SNX9: variants seen among roughly 807,000 people sequenced by gnomAD.
The protein encoded by SNX9 is sorting nexin 9.
Under a neutral mutation model 89.4 loss-of-function variants are expected in SNX9, and 44 were observed. The ratio of observed to expected loss-of-function variants is 0.49; its 90% CI spans 0.39 to 0.63. The LOEUF is 0.63. SNX9 is among the 30% of genes least tolerant of loss of function. The pLI is 0.00. For missense variants in SNX9, 578 were observed against 736.1 expected, an observed-to-expected ratio of 0.79 and a Z score of 2.49; for synonymous variants, 236 against 247.8, an observed-to-expected ratio of 0.95 and a Z score of 0.45.
chr6:157,890,166 G>A (rs1231316354), intron 4 of SNX9, among the ~76,000 whole-genome samples: 1 of 152,226 alleles, frequency 6.6e-6, no homozygotes, highest in East Asian at 1.9e-4. Flanking sequence ...ACCAGGATTC[G>A]TCTTGCCCCT....
At chr6:157,829,636 A>C (rs947232426) in intron 1 of SNX9, among the ~76,000 whole-genome samples, 2 of 152,120 alleles carry the variant, frequency 1.3e-5, no homozygotes, top group African/African-American at 4.8e-5. Flanking sequence ...TTTTCTCTAC[A>C]TTTACAATTA....
intron 1 of SNX9, among the ~76,000 whole-genome samples, chr6:157,854,366 A>T (rs1370678092): frequency 3.3e-5 from 5 of 152,354 alleles, no homozygotes; most frequent in African/African-American, 1.2e-4. Flanking sequence ...TGCAGCTGTG[A>T]TAAAGAACAA....
At chr6:157,938,572 T>A in intron 15 of SNX9, 61 bp from the exon 16 acceptor site, 1 of 1,119,620 alleles carries the variant, frequency 8.9e-7, no homozygotes, top group East Asian at 2.4e-5. Flanking sequence ...CATTGTTATA[T>A]TTTAAACTAA....
chr6:157,889,693 T>C (rs549601592), intron 4 of SNX9, among the ~76,000 whole-genome samples: 1 of 152,312 alleles, frequency 6.6e-6, no homozygotes, highest in East Asian at 1.9e-4. Context: ...GCCTGTTATC[T>C]CTTCAATTAA....
chr6:157,844,346 T>C (rs1217796191), intron 1 of SNX9, among the ~76,000 whole-genome samples: 1 of 152,126 alleles, frequency 6.6e-6, no homozygotes, highest in Non-Finnish European at 1.5e-5. Context: ...GAGTGCTGAT[T>C]GGTCAGGGGT....
chr6:157,834,244 C>G (rs1163598469), intron 1 of SNX9, among the ~76,000 whole-genome samples: 1 of 138,824 alleles, frequency 7.2e-6, no homozygotes, highest in Non-Finnish European at 1.5e-5. Context: ...CCTCCACTGA[C>G]TGCAGCTCAA....
intron 5 of SNX9, among the ~76,000 whole-genome samples, chr6:157,897,669 C>T (rs1217055805): frequency 6.6e-6 from 1 of 152,092 alleles, no homozygotes; most frequent in African/African-American, 2.4e-5. Flanking sequence ...CGCCCACCGC[C>T]ACACCCGGCT....
At chr6:157,875,252 A>G in intron 4 of SNX9, 76 bp downstream of exon 4, 1 of 1,493,846 alleles carries the variant, frequency 6.7e-7, no homozygotes, top group Non-Finnish European at 8.9e-7. Context: ...CTTGTGATGC[A>G]TTATAGCTAT....
chr6:157,855,214 A>G (rs1355646286), intron 1 of SNX9, among the ~76,000 whole-genome samples: 1 of 152,206 alleles, frequency 6.6e-6, no homozygotes, highest in Non-Finnish European at 1.5e-5. Flanking sequence ...ATTCCACACC[A>G]GAAAAGTAAG....
intron 1 of SNX9, among the ~76,000 whole-genome samples, chr6:157,831,364 A>G (rs112215439): frequency 3.9e-5 from 6 of 152,336 alleles, no homozygotes; most frequent in African/African-American, 1.4e-4. Context: ...GAGTCACTAT[A>G]TCTTTAATTC....
chr6:157,902,755 C>A (rs1183762383), intron 6 of SNX9, among the ~76,000 whole-genome samples: 1 of 152,160 alleles, frequency 6.6e-6, no homozygotes, highest in Non-Finnish European at 1.5e-5. Flanking sequence ...GCAACCCCAA[C>A]GTCCCGGGTT....
At chr6:157,844,587 G>GTTGTTTTTTT (rs1781763782) in intron 1 of SNX9, among the ~76,000 whole-genome samples, 2 of 130,298 alleles carry the variant, frequency 1.5e-5, no homozygotes, top group African/African-American at 3.0e-5. Context: ...GCTAATCCTT[G>GTTGTTTTTTT]TTTTTTTTTT....
At position 157,937,436 on chromosome 6, in the gene SNX9, A is replaced by G. The variant is rs752427546; in HGVS notation, c.1446A>G (p.Pro482=). 7 of 1,611,856 alleles carry G rather than the reference A, an allele frequency of 4.3e-6. No individual in the cohort carries two copies. In the South Asian group the frequency reaches 7.7e-5, roughly 18 times the overall value. ...AATCAGCTTGTATCTTGTTATAGCC[A>G]AAGAAAGATCTCCATTTCCTGATGG... ...EEIASLVAEQ[P]KKDLHFLMEC... is the part of the protein sequence containing the mutation. The change falls in exon 15 of 18, where the codon CCA becomes CCG. Residue 482 remains proline (P), a splice_region_variant and synonymous_variant. Coordinates refer to ENST00000392185, the MANE Select transcript of SNX9 (RefSeq NM_016224.5).
intron 2 of SNX9, among the ~76,000 whole-genome samples, chr6:157,871,988 G>A (rs1260101611): frequency 6.6e-6 from 1 of 151,872 alleles, no homozygotes. Flanking sequence ...TGGTAAAATA[G>A]CAACTTGTCC....
chr6:157,856,718 A>G (rs1420341601), intron 1 of SNX9, among the ~76,000 whole-genome samples: 1 of 152,168 alleles, frequency 6.6e-6, no homozygotes, highest in Non-Finnish European at 1.5e-5. Context: ...GGATTTCTGT[A>G]GTACCTTGAT....
At chr6:157,837,244 T>G (rs1781602398) in intron 1 of SNX9, among the ~76,000 whole-genome samples, 1 of 152,228 alleles carries the variant, frequency 6.6e-6, no homozygotes. Context: ...ATATGCAAAA[T>G]GTCTCAACAC....
At chr6:157,834,971 A>G (rs1301203935) in intron 1 of SNX9, among the ~76,000 whole-genome samples, 1 of 152,222 alleles carries the variant, frequency 6.6e-6, no homozygotes, top group African/African-American at 2.4e-5. Context: ...AGCTGTCTGA[A>G]TCATCTAAAG....
At chr6:157,853,366 A>C (rs2803353) in intron 1 of SNX9, among the ~76,000 whole-genome samples, 34,410 of 151,872 alleles carry the variant, frequency 0.23, 4,592 homozygotes, top group East Asian at 0.35. Context: ...TCTGATTTTA[A>C]GGTTTTTCTC....
At chr6:157,899,539 G>T (rs574941324) in intron 5 of SNX9, among the ~76,000 whole-genome samples, 1 of 152,198 alleles carries the variant, frequency 6.6e-6, no homozygotes, top group African/African-American at 2.4e-5. Context: ...TTGGGAGGCC[G>T]AGGCAGGCGG....
Sources: allele counts gnomAD v4.1 joint callset (sites outside exome capture counted in the v4.1 genomes callset), GRCh38; gene constraint gnomAD v4.1.1; transcripts MANE v1.5; gene names NCBI Gene and HGNC (gene_info 2026-07-23, HGNC 2026-07-21).